The following UST variants were observed in gnomAD, a reference collection of about 807,000 sequenced individuals.
UST encodes the protein uronyl 2-sulfotransferase.
UST carries 21 observed loss-of-function variants against 45.6 expected under a neutral mutation model. The ratio of observed to expected loss-of-function variants is 0.46; its 90% CI spans 0.33 to 0.66. The LOEUF (loss-of-function observed/expected upper bound fraction) is 0.66, where lower values mean the gene tolerates loss of function less well. UST is among the 30% of genes least tolerant of loss of function. The pLI is 0.02. For missense variants in UST, 463 were observed against 512.4 expected (o/e 0.90, Z 0.93); for synonymous variants, 215 against 200.6 (o/e 1.07, Z -0.61).
chr6:148,829,164 T>C (rs1015245318), intron 1 of UST, among the ~76,000 whole-genome samples: 1 of 151,900 alleles, frequency 6.6e-6, no homozygotes, highest in Non-Finnish European at 1.5e-5. Flanking sequence ...GATGGATGGA[T>C]GGATGGATGG....
intron 7 of UST, among the ~76,000 whole-genome samples, chr6:149,057,675 A>G (rs1049954243): frequency 3.3e-5 from 5 of 152,224 alleles, no homozygotes; most frequent in African/African-American, 9.6e-5. Context: ...CATCTATAAA[A>G]TGGAGCATAT....
chr6:148,941,709 T>C (rs993943290), intron 3 of UST, among the ~76,000 whole-genome samples: 4 of 152,240 alleles, frequency 2.6e-5, no homozygotes, highest in Non-Finnish European at 4.4e-5. Context: ...ATTAGCGATA[T>C]ATACATCTCA....
At chr6:149,065,291 C>T (rs994764958) in intron 7 of UST, among the ~76,000 whole-genome samples, 3 of 152,212 alleles carry the variant, frequency 2.0e-5, no homozygotes, top group African/African-American at 7.2e-5. Flanking sequence ...TGGAGAGAGG[C>T]TGATTCCATA....
chr6:149,073,168 G>C (rs1776842606), intron 7 of UST, among the ~76,000 whole-genome samples: 1 of 152,088 alleles, frequency 6.6e-6, no homozygotes, highest in Admixed American at 6.6e-5. Flanking sequence ...ATTTAGACTG[G>C]GTGCAGTGGC....
chr6:148,993,752 C>G (rs1002172282), intron 5 of UST, among the ~76,000 whole-genome samples: 2 of 152,056 alleles, frequency 1.3e-5, no homozygotes, highest in African/African-American at 4.8e-5. Flanking sequence ...TGTGTGGCCC[C>G]TCCTCCCCTG....
chr6:148,759,793 A>G (rs1286217819), intron 1 of UST, among the ~76,000 whole-genome samples: 1 of 145,532 alleles, frequency 6.9e-6, no homozygotes, highest in Non-Finnish European at 1.5e-5. Context: ...GCTTGCAGTG[A>G]GACAAGATCG....
intron 1 of UST, among the ~76,000 whole-genome samples, chr6:148,873,913 T>C (rs1047468860): frequency 6.6e-6 from 1 of 152,270 alleles, no homozygotes; most frequent in Non-Finnish European, 1.5e-5. Context: ...CCTTACCTGC[T>C]CTGTACTTAT....
intron 5 of UST, among the ~76,000 whole-genome samples, chr6:148,996,816 A>G (rs1469804928): frequency 6.6e-6 from 1 of 152,222 alleles, no homozygotes; most frequent in Non-Finnish European, 1.5e-5. Flanking sequence ...CCTTGGTCTG[A>G]TTCATGGGTA....
At chr6:149,071,692 G>A (rs1043946059) in intron 7 of UST, among the ~76,000 whole-genome samples, 11 of 151,992 alleles carry the variant, frequency 7.2e-5, no homozygotes, top group Admixed American at 7.2e-4. Flanking sequence ...ACAGCCTGTG[G>A]AATGGAAGAA....
At chr6:148,915,190 A>G (rs1379158070) in intron 2 of UST, among the ~76,000 whole-genome samples, 2 of 152,250 alleles carry the variant, frequency 1.3e-5, no homozygotes, top group Non-Finnish European at 2.9e-5. Context: ...AAACATTCAA[A>G]TGATAGCAGA....
intron 1 of UST, among the ~76,000 whole-genome samples, chr6:148,797,497 C>G (rs576077007): frequency 1.2e-4 from 19 of 152,182 alleles, no homozygotes; most frequent in Admixed American, 5.2e-4. Context: ...TATGGAACAC[C>G]TGCTATGTGC....
intron 5 of UST, among the ~76,000 whole-genome samples, chr6:149,008,179 T>C (rs1457460127): frequency 2.0e-5 from 3 of 152,118 alleles, no homozygotes; most frequent in Non-Finnish European, 4.4e-5. Flanking sequence ...GGAATTTATT[T>C]TGCAAAAAAT....
chr6:149,046,422 A>G (rs1412366541), intron 7 of UST, among the ~76,000 whole-genome samples: 1 of 152,238 alleles, frequency 6.6e-6, no homozygotes, highest in Non-Finnish European at 1.5e-5. Context: ...CTAGGAAGCT[A>G]AAAGCTGCTC....
intron 1 of UST, among the ~76,000 whole-genome samples, chr6:148,760,823 C>A (rs1005611208): frequency 6.6e-6 from 1 of 152,080 alleles, no homozygotes; most frequent in African/African-American, 2.4e-5. Flanking sequence ...AAAAGATAAA[C>A]CAACTCACGA....
chr6:148,812,607 C>A (rs1397643648), intron 1 of UST, among the ~76,000 whole-genome samples: 1 of 152,174 alleles, frequency 6.6e-6, no homozygotes, highest in African/African-American at 2.4e-5. Context: ...ACTCACATGG[C>A]AGCCAGCAGG....
chr6:148,976,746 A>C (rs1031807792), intron 5 of UST, among the ~76,000 whole-genome samples: 6 of 152,244 alleles, frequency 3.9e-5, no homozygotes, highest in African/African-American at 1.4e-4. Context: ...GAAACTTTTC[A>C]GAAAATTACA....
At chr6:148,922,818 A>C (rs1039919604) in intron 2 of UST, among the ~76,000 whole-genome samples, 2 of 150,522 alleles carry the variant, frequency 1.3e-5, no homozygotes, top group African/African-American at 4.9e-5. Flanking sequence ...TTTGAGATGG[A>C]GTCTCTCTCT....
At chr6:148,769,861 C>A (rs950728827) in intron 1 of UST, among the ~76,000 whole-genome samples, 2 of 137,614 alleles carry the variant, frequency 1.5e-5, no homozygotes, top group African/African-American at 2.8e-5. Flanking sequence ...GATCCCTACT[C>A]TTTCTGTCAC....
chr6:148,747,751 G>T (rs1485522432), intron 1 of UST, 74 bp downstream of exon 1: 5 of 1,459,992 alleles, frequency 3.4e-6, no homozygotes, highest in Non-Finnish European at 4.5e-6. Flanking sequence ...GTCGCGGCGG[G>T]GACTTCTCGC....
Sources: allele counts gnomAD v4.1 joint callset (sites outside exome capture counted in the v4.1 genomes callset), GRCh38; gene constraint gnomAD v4.1.1; transcripts MANE v1.5; gene names NCBI Gene and HGNC (gene_info 2026-07-23, HGNC 2026-07-21).